PRKCA: variants seen among roughly 807,000 people sequenced by gnomAD.
PRKCA encodes the protein protein kinase C alpha type.
A neutral mutation model predicts 87.0 loss-of-function variants in PRKCA; 27 were observed. That is an observed-to-expected ratio of 0.31 (90% CI 0.23 to 0.43). The LOEUF is 0.43. PRKCA is among the 20% of genes least tolerant of loss of function. The pLI is 1.00. For missense variants in PRKCA, 518 were observed against 852.3 expected (o/e 0.61, Z 4.88); for synonymous variants, 329 against 311.1 (o/e 1.06, Z -0.61).
chr17:66,349,832 G>T (rs1237866264), intron 2 of PRKCA, among the ~76,000 whole-genome samples: 1 of 152,090 alleles, frequency 6.6e-6, no homozygotes, highest in African/African-American at 2.4e-5. Flanking sequence ...CTTATTTTTA[G>T]GGCCTTCGTT....
chr17:66,517,733 A>G (rs954554619), intron 3 of PRKCA, among the ~76,000 whole-genome samples: 5 of 152,226 alleles, frequency 3.3e-5, no homozygotes, highest in Admixed American at 1.3e-4. Context: ...AGAAAAAAGA[A>G]TTAACACCAA....
chr17:66,732,958 T>G (rs2144204328), intron 9 of PRKCA, 133 bp downstream of exon 9: 1 of 1,149,714 alleles, frequency 8.7e-7, no homozygotes, highest in East Asian at 2.5e-5. Flanking sequence ...AAGACCATCC[T>G]GGCTAACACG....
intron 3 of PRKCA, among the ~76,000 whole-genome samples, chr17:66,549,703 TG>T (rs1968267389): frequency 1.3e-5 from 2 of 151,648 alleles, no homozygotes; most frequent in Non-Finnish European, 2.9e-5. Context: ...CACTTGCTGA[TG>T]AGAGAGAGGA....
At chr17:66,563,636 G>A (rs1968783004) in intron 3 of PRKCA, among the ~76,000 whole-genome samples, 1 of 152,204 alleles carries the variant, frequency 6.6e-6, no homozygotes, top group Non-Finnish European at 1.5e-5. Flanking sequence ...GACCCTTGAT[G>A]TGACAAGATG....
intron 3 of PRKCA, among the ~76,000 whole-genome samples, chr17:66,542,477 C>G (rs1247596255): frequency 6.6e-6 from 1 of 151,936 alleles, no homozygotes; most frequent in Non-Finnish European, 1.5e-5. Flanking sequence ...TTATTTCTGC[C>G]CCAAGAAGGC....
chr17:66,321,673 A>G (rs1452700705), intron 2 of PRKCA, among the ~76,000 whole-genome samples: 1 of 152,138 alleles, frequency 6.6e-6, no homozygotes, highest in East Asian at 1.9e-4. Flanking sequence ...CCTCCCAAGT[A>G]GCTGGGATTA....
Position 66,704,812 on chromosome 17 carries a change from A to G in PRKCA, c.918+15765A>G, listed in dbSNP as rs373055288. 6.6e-5 allele frequency among the ~76,000 whole-genome samples: 10 copies of G among 152,370 alleles called. No homozygotes were observed. The East Asian group carries it at 1.9e-3, about 29-fold the overall frequency. The stretch of plus-strand genomic sequence containing the variant: ...TATAATTAAGGTACTTAAATCAACA[A>G]AGATGAGACTCTGTTGCTAGGTTAT... On this transcript the variant is annotated intron_variant, in intron 8 of 16. Transcript: ENST00000413366.
At position 66,444,396 on chromosome 17, in the gene PRKCA, T is replaced by C. The variant is rs560061830; in HGVS notation, c.206-51805T>C. ...TACATGATGGCCTGTCATAGTTTAA[T>C]GGGCCGCCTTTTATTTCTTGGAGGT... On this transcript the variant is annotated intron_variant, in intron 2 of 16. Coordinates refer to ENST00000413366, the MANE Select transcript of PRKCA (RefSeq NM_002737.3). Among the ~76,000 whole-genome samples, 13 of 152,326 alleles carry C rather than the reference T, an allele frequency of 8.5e-5. No individual in the cohort carries two copies. In the East Asian group the frequency reaches 1.3e-3, roughly 16 times the overall value.
At chr17:66,342,791 T>G (rs1379292143) in intron 2 of PRKCA, among the ~76,000 whole-genome samples, 1 of 152,204 alleles carries the variant, frequency 6.6e-6, no homozygotes, top group Non-Finnish European at 1.5e-5. Context: ...TCTCTTAATC[T>G]GAAATTTCAT....
chr17:66,676,121 CT>C (rs890112222), intron 5 of PRKCA, among the ~76,000 whole-genome samples: 5 of 152,162 alleles, frequency 3.3e-5, no homozygotes, highest in African/African-American at 1.2e-4. Flanking sequence ...CGTGAGGGAA[CT>C]GGCAGCTTCT....
chr17:66,309,077 T>G (rs1352766492), intron 2 of PRKCA, among the ~76,000 whole-genome samples: 2 of 152,246 alleles, frequency 1.3e-5, no homozygotes, highest in African/African-American at 4.8e-5. Context: ...TAGTATGTAG[T>G]ATGTTGCTTT....
intron 2 of PRKCA, among the ~76,000 whole-genome samples, chr17:66,390,147 A>C (rs1910282848): frequency 6.6e-6 from 1 of 152,134 alleles, no homozygotes; most frequent in African/African-American, 2.4e-5. Context: ...GCTTGAACCC[A>C]GTAGGTGGAG....
intron 2 of PRKCA, among the ~76,000 whole-genome samples, chr17:66,396,902 T>C (rs964612151): frequency 6.6e-6 from 1 of 151,218 alleles, no homozygotes. Context: ...TATATGAATA[T>C]CTAATTATTG....
chr17:66,704,922 A>G (rs1324513564), intron 8 of PRKCA, among the ~76,000 whole-genome samples: 2 of 152,192 alleles, frequency 1.3e-5, no homozygotes, highest in Admixed American at 6.5e-5. Context: ...GACTTTATCT[A>G]GTTCAGAATG....
At chr17:66,490,446 C>A (rs1007517085) in intron 2 of PRKCA, among the ~76,000 whole-genome samples, 1 of 151,682 alleles carries the variant, frequency 6.6e-6, no homozygotes. Flanking sequence ...TGGGTTCAAG[C>A]GATTTTTCTG....
At chr17:66,422,280 G>T (rs190246042) in intron 2 of PRKCA, among the ~76,000 whole-genome samples, 1 of 152,254 alleles carries the variant, frequency 6.6e-6, no homozygotes, top group African/African-American at 2.4e-5. Context: ...GTGAGGTTCA[G>T]CTCATAACAC....
chr17:66,442,062 C>G (rs984590968), intron 2 of PRKCA, among the ~76,000 whole-genome samples: 13 of 137,642 alleles, frequency 9.4e-5, no homozygotes, highest in Non-Finnish European at 2.0e-4. Context: ...GTTAGTCTCT[C>G]TCTCTTTTTT....
chr17:66,421,069 A>C (rs1912462974), intron 2 of PRKCA, among the ~76,000 whole-genome samples: 1 of 152,228 alleles, frequency 6.6e-6, no homozygotes, highest in African/African-American at 2.4e-5. Flanking sequence ...GTCATTGCAC[A>C]ATGAAGATGA....
intron 2 of PRKCA, among the ~76,000 whole-genome samples, chr17:66,311,859 A>AC (rs998036371): frequency 1.4e-4 from 21 of 152,200 alleles, no homozygotes; most frequent in African/African-American, 4.6e-4. Context: ...CATCAATCCT[A>AC]CCCCCGCCAC....
Sources: gnomAD v4.1 joint callset for allele counts (sites outside exome capture counted in the v4.1 genomes callset) on GRCh38, gnomAD v4.1.1 for gene constraint, MANE v1.5 for transcripts, NCBI Gene and HGNC (gene_info 2026-07-23, HGNC 2026-07-21) for gene names.